Variants in BMPR1B observed in about 807,000 individuals in gnomAD.
BMPR1B encodes bone morphogenetic protein receptor type-1B.
Under a neutral mutation model 59.1 loss-of-function variants are expected in BMPR1B, and 12 were observed. That is an observed-to-expected ratio of 0.20 (90% CI 0.13 to 0.33). The LOEUF is 0.33. Ranked by LOEUF, BMPR1B falls within the 10% of genes least tolerant of loss-of-function variation. The probability of loss-of-function intolerance (pLI) is 1.00; values close to 1 mark genes in which losing one functional copy is unlikely to be tolerated. For synonymous variants in BMPR1B, 237 were observed against 207.3 expected, an observed-to-expected ratio of 1.14 and a Z score of -1.23; for missense variants, 550 against 610.9, an observed-to-expected ratio of 0.90 and a Z score of 1.05.
intron 2 of BMPR1B, among the ~76,000 whole-genome samples, chr4:94,912,783 A>C (rs28405178): frequency 0.048 from 7,307 of 152,148 alleles, 549 homozygotes; most frequent in African/African-American, 0.17. Context: ...TAGGGAGGGC[A>C]CTTTTCTCTC....
chr4:94,803,843 T>C (rs986410508), intron 1 of BMPR1B, among the ~76,000 whole-genome samples: 9 of 144,652 alleles, frequency 6.2e-5, no homozygotes, highest in African/African-American at 2.4e-4. Context: ...GGTCGTGTGC[T>C]TAAAAAGTAA....
intron 1 of BMPR1B, among the ~76,000 whole-genome samples, chr4:94,856,604 G>A (rs914839894): frequency 1.3e-5 from 2 of 152,202 alleles, no homozygotes; most frequent in African/African-American, 4.8e-5. Flanking sequence ...ATGTATCACA[G>A]TCACTGAGAA....
chr4:94,816,295 CGCCACCAG>C (rs1724008856), intron 1 of BMPR1B, among the ~76,000 whole-genome samples: 1 of 152,074 alleles, frequency 6.6e-6, no homozygotes, highest in Non-Finnish European at 1.5e-5. Context: ...TGCAGGTGCA[CGCCACCAG>C]GCCCGGCTAG....
chr4:94,947,711 G>T (rs1578836387), intron 2 of BMPR1B, among the ~76,000 whole-genome samples: 3 of 152,104 alleles, frequency 2.0e-5, no homozygotes, highest in East Asian at 3.9e-4. Context: ...GTCAGTGATG[G>T]CGAGGTAAGA....
intron 1 of BMPR1B, among the ~76,000 whole-genome samples, chr4:94,799,583 T>G (rs1054168991): frequency 6.6e-6 from 1 of 152,094 alleles, no homozygotes; most frequent in Non-Finnish European, 1.5e-5. Context: ...ATTACAGGCA[T>G]GAGCCACTGC....
At chr4:94,859,432 G>A (rs575854349) in intron 1 of BMPR1B, among the ~76,000 whole-genome samples, 45 of 152,254 alleles carry the variant, frequency 3.0e-4, no homozygotes, top group African/African-American at 1.0e-3. Context: ...TAATAGTGGA[G>A]TCAAGAAACC....
chr4:94,982,827 T>C (rs1250423003), intron 2 of BMPR1B, among the ~76,000 whole-genome samples: 1 of 151,660 alleles, frequency 6.6e-6, no homozygotes, highest in Non-Finnish European at 1.5e-5. Context: ...TACTAAAAAA[T>C]ACAAAAAATT....
intron 3 of BMPR1B, among the ~76,000 whole-genome samples, chr4:95,069,543 G>A (rs1728114754): frequency 6.6e-6 from 1 of 152,096 alleles, no homozygotes; most frequent in African/African-American, 2.4e-5. Flanking sequence ...AGGAATTCTA[G>A]CTATCCTTTT....
chr4:95,141,278 A>G (rs961443371), intron 10 of BMPR1B, among the ~76,000 whole-genome samples: 8 of 151,876 alleles, frequency 5.3e-5, no homozygotes, highest in Admixed American at 6.6e-5. Context: ...ACTGTTTTAT[A>G]TTGTATTTGT....
chr4:94,846,223 T>A lies in BMPR1B; in HGVS notation c.-182-29608T>A, dbSNP rs1040212869. ...AACACACATTGGGGAAAAGCCAGTC[T>A]CTTCAAGAAATGGTGCTGGGAAAAC... is the stretch of plus-strand genomic sequence containing the variant. On this transcript the variant is annotated intron_variant, in intron 1 of 12. Transcript: ENST00000515059. Among the ~76,000 whole-genome samples, 21 of 152,210 alleles carry A rather than the reference T, an allele frequency of 1.4e-4. 1 individual carries two copies. Among genetic ancestry groups the A allele is most frequent in the Middle Eastern group, 3.2e-3 (1 of 316 alleles).
intron 1 of BMPR1B, among the ~76,000 whole-genome samples, chr4:94,816,648 A>T (rs767622936): frequency 1.3e-5 from 2 of 152,202 alleles, no homozygotes; most frequent in African/African-American, 4.8e-5. Context: ...AAATGAATAT[A>T]TGAAATACTT....
chr4:94,972,583 A>G (rs1231837394), intron 2 of BMPR1B, among the ~76,000 whole-genome samples: 2 of 152,062 alleles, frequency 1.3e-5, no homozygotes, highest in Admixed American at 6.5e-5. Context: ...TTTACTTTAA[A>G]CATTTGCATA....
intron 3 of BMPR1B, among the ~76,000 whole-genome samples, chr4:95,065,242 A>G (rs559566779): frequency 1.3e-5 from 2 of 152,312 alleles, no homozygotes; most frequent in South Asian, 4.1e-4. Context: ...GAAACCAGAT[A>G]CAAAGACCAT....
At chr4:95,091,400 C>A in intron 3 of BMPR1B, 1 of 922,568 alleles carries the variant, frequency 1.1e-6, no homozygotes, top group Non-Finnish European at 1.3e-6. Context: ...ATGTCTCTTG[C>A]CAGCTTATAA....
At chr4:94,809,269 T>C (rs1723724543) in intron 1 of BMPR1B, among the ~76,000 whole-genome samples, 1 of 152,198 alleles carries the variant, frequency 6.6e-6, no homozygotes, top group Non-Finnish European at 1.5e-5. Flanking sequence ...ATTGTTATCA[T>C]TGAACAGTTT....
chr4:94,835,891 C>G lies in BMPR1B; in HGVS notation c.-182-39940C>G, dbSNP rs1356250135. Among the ~76,000 whole-genome samples the G allele has an allele frequency of 1.6e-4, 20 of 123,902 alleles. No homozygotes were observed. The East Asian group carries it at 4.0e-3, about 24-fold the overall frequency. The allele number at this position is 123,902 out of a possible 152,430, so 81.3% of individuals were successfully genotyped here. On this transcript the variant is annotated intron_variant, in intron 1 of 12. Transcript: ENST00000515059. Reference sequence around the variant, plus strand: ...GTCATCTAGCATTAGATATATCTCCCAATGCTATCCCTCCCCCCTCCCCCC... The same window carrying G: ...GTCATCTAGCATTAGATATATCTCCGAATGCTATCCCTCCCCCCTCCCCCC...
intron 1 of BMPR1B, among the ~76,000 whole-genome samples, chr4:94,864,258 G>C (rs1726114097): frequency 6.6e-6 from 1 of 152,096 alleles, no homozygotes; most frequent in Admixed American, 6.5e-5. Flanking sequence ...CAGAACCCCA[G>C]AATGGATTTT....
intron 3 of BMPR1B, among the ~76,000 whole-genome samples, chr4:95,026,491 G>GA (rs34618711): frequency 2.6e-5 from 4 of 151,316 alleles, no homozygotes; most frequent in Non-Finnish European, 4.4e-5. Flanking sequence ...TTATTTTCCT[G>GA]AAAAAAAGTG....
At chr4:94,848,366 C>T (rs1469775062) in intron 1 of BMPR1B, among the ~76,000 whole-genome samples, 1 of 152,166 alleles carries the variant, frequency 6.6e-6, no homozygotes, top group African/African-American at 2.4e-5. Flanking sequence ...TTAATCACTG[C>T]TTTGACTTTC....
Sources: allele counts gnomAD v4.1 joint callset (sites outside exome capture counted in the v4.1 genomes callset), GRCh38; gene constraint gnomAD v4.1.1; transcripts MANE v1.5; gene names NCBI Gene and HGNC (gene_info 2026-07-23, HGNC 2026-07-21).